The following SPTAN1 variants were observed in gnomAD, a reference collection of about 807,000 sequenced individuals.
SPTAN1 encodes the protein spectrin alpha, non-erythrocytic 1.
Under a neutral mutation model 331.3 loss-of-function variants are expected in SPTAN1, and 61 were observed. The observed-to-expected ratio is 0.18, with a 90% CI of 0.15 to 0.23. The LOEUF is 0.23. Ranked by LOEUF, SPTAN1 falls within the 10% of genes least tolerant of loss-of-function variation. SPTAN1 has a pLI of 1.00. For synonymous variants in SPTAN1, 1,153 were observed against 1,173.9 expected (o/e 0.98, Z 0.36); for missense variants, 2,043 against 3,147.9 (o/e 0.65, Z 8.40).
chr9:128,578,289 T>C, intron 9 of SPTAN1, 44 bp downstream of exon 9: 1 of 1,611,006 alleles, frequency 6.2e-7, no homozygotes, highest in African/African-American at 1.3e-5. Context: ...GATTTTAGCT[T>C]ATAATGCACC....
chr9:128,620,674 C>T (rs1260260918), intron 44 of SPTAN1, among the ~76,000 whole-genome samples: 1 of 152,126 alleles, frequency 6.6e-6, no homozygotes, highest in South Asian at 2.1e-4. Context: ...GCCAAGATCA[C>T]GCTGCTGCAC....
chr9:128,610,044 C>T (rs1371398229), intron 37 of SPTAN1, among the ~76,000 whole-genome samples: 3 of 152,100 alleles, frequency 2.0e-5, no homozygotes, highest in East Asian at 1.9e-4. Flanking sequence ...TCATGGTGTT[C>T]GGTGGCCTGG....
chr9:128,561,707 A>C (rs945549423), intron 1 of SPTAN1, among the ~76,000 whole-genome samples: 1 of 146,722 alleles, frequency 6.8e-6, no homozygotes, highest in Non-Finnish European at 1.5e-5. Flanking sequence ...CAATATGTCA[A>C]CTCTAATCAT....
intron 23 of SPTAN1, 189 bp downstream of exon 23, chr9:128,593,231 C>G (rs1308807717): frequency 4.4e-6 from 3 of 676,220 alleles, no homozygotes; most frequent in Non-Finnish European, 8.1e-6. Flanking sequence ...TCGATGACTG[C>G]TTATCTCATT....
intron 45 of SPTAN1, among the ~76,000 whole-genome samples, 170 bp from the exon 46 acceptor site, chr9:128,624,158 C>T (rs1028598215): frequency 2.6e-5 from 4 of 151,058 alleles, no homozygotes; most frequent in Admixed American, 2.0e-4. Context: ...TGTGTGAAGC[C>T]TTTGACCGCA....
At chr9:128,558,827 G>C (rs760071427) in intron 1 of SPTAN1, among the ~76,000 whole-genome samples, 20 of 152,120 alleles carry the variant, frequency 1.3e-4, no homozygotes, top group Non-Finnish European at 2.6e-4. Context: ...TGACAGTTTC[G>C]GGTGAGAGGC....
chr9:128,607,088 T>A (rs889881542), intron 31 of SPTAN1, among the ~76,000 whole-genome samples: 5 of 152,214 alleles, frequency 3.3e-5, no homozygotes, highest in Admixed American at 2.0e-4. Context: ...GCCCTTGTGG[T>A]TGTACAGCTG....
intron 3 of SPTAN1, among the ~76,000 whole-genome samples, chr9:128,570,519 G>C (rs1161089455): frequency 6.6e-6 from 1 of 150,612 alleles, no homozygotes; most frequent in Non-Finnish European, 1.5e-5. Flanking sequence ...TGTATATTTA[G>C]TAGAGATGGG....
chr9:128,617,703 G>A lies in SPTAN1; in HGVS notation c.5421G>A (p.Leu1807=), dbSNP rs1857344321. ...YGRDLTGVQN[L]RKKHKRLEAE... ...GGGACCTAACCGGCGTGCAGAACCT[G>A]AGGAAGAAGCACAAGCGGCTGGAAG... The change falls in exon 42 of 57, where the codon CTG becomes CTA. Residue 1807 remains leucine (L), a synonymous_variant. Transcript: ENST00000372739. 1 of 1,614,168 alleles carries A rather than the reference G, an allele frequency of 6.2e-7. No individual in the cohort carries two copies. The highest frequency in any genetic ancestry group is 1.3e-5 in the African/African-American group (1 of 75,046).
intron 31 of SPTAN1, among the ~76,000 whole-genome samples, chr9:128,606,970 AC>A (rs1266924725): frequency 6.6e-6 from 1 of 151,726 alleles, no homozygotes; most frequent in Non-Finnish European, 1.5e-5. Flanking sequence ...TCTCTTCCCC[AC>A]CCACTAGGAA....
rs768062334 is a variant in SPTAN1 at position 128,629,138 on chromosome 9, C to T, written c.6708-1183C>T. 2 of 398,604 alleles carry T rather than the reference C, an allele frequency of 5.0e-6. No homozygotes were observed. The highest frequency in any genetic ancestry group is 4.4e-5 in the Admixed American group (1 of 22,710). 24.7% of individuals were successfully genotyped at this position (398,604 alleles called of 1,614,324 possible). On this transcript the variant is annotated intron_variant, in intron 51 of 56. Coordinates refer to ENST00000372739, the MANE Select transcript of SPTAN1 (RefSeq NM_001130438.3). This position sits in a 1 kb window ranked among gnomAD's most constrained non-coding sequence, Gnocchi z 4.9. Reference sequence around the variant, plus strand: ...TTCTTTGAATAGCATAGCATATCGTCGGGTCATTCGTGTCTATCAGTATGA... The same window carrying T: ...TTCTTTGAATAGCATAGCATATCGTTGGGTCATTCGTGTCTATCAGTATGA...
intron 22 of SPTAN1, among the ~76,000 whole-genome samples, chr9:128,591,839 C>G (rs1348592810): frequency 6.6e-6 from 1 of 152,144 alleles, no homozygotes; most frequent in Non-Finnish European, 1.5e-5. Flanking sequence ...CACCAGTGTT[C>G]ATGAGTTTTT....
intron 21 of SPTAN1, 139 bp downstream of exon 21, chr9:128,589,082 C>G (rs527608187): frequency 2.5e-6 from 3 of 1,224,180 alleles, no homozygotes; most frequent in East Asian, 2.5e-5. Context: ...ACCAATCCCC[C>G]ACGTGACATA....
intron 10 of SPTAN1, among the ~76,000 whole-genome samples, chr9:128,580,298 A>C (rs1353441332): frequency 1.4e-4 from 21 of 151,132 alleles, no homozygotes; most frequent in Admixed American, 1.3e-3. Flanking sequence ...AAATAAATAA[A>C]TAAAAATAAA....
At chr9:128,585,620 A>C in intron 18 of SPTAN1, 128 bp from the exon 19 acceptor site, 1 of 811,864 alleles carries the variant, frequency 1.2e-6, no homozygotes, top group Non-Finnish European at 2.1e-6. Flanking sequence ...AAATGGAATT[A>C]TGAAAGGGCA....
intron 19 of SPTAN1, among the ~76,000 whole-genome samples, chr9:128,586,186 G>A (rs1852613322): frequency 1.7e-5 from 2 of 114,302 alleles, no homozygotes; most frequent in East Asian, 3.1e-4. Flanking sequence ...TGTTACAATT[G>A]TGGCTCACTG....
intron 44 of SPTAN1, 130 bp downstream of exon 44, chr9:128,619,133 T>G: frequency 7.3e-7 from 1 of 1,378,978 alleles, no homozygotes; most frequent in South Asian, 1.2e-5. Flanking sequence ...AGCCAAGGCC[T>G]CAGTAGTTGG....
chr9:128,583,382 G>A (rs1852186456), intron 15 of SPTAN1, 101 bp downstream of exon 15: 3 of 1,227,668 alleles, frequency 2.4e-6, no homozygotes, highest in East Asian at 5.0e-5. Context: ...GAAAGGTGAG[G>A]TGGATGACTT....
intron 24 of SPTAN1, among the ~76,000 whole-genome samples, chr9:128,596,958 G>A (rs1393829127): frequency 1.3e-5 from 2 of 152,118 alleles, no homozygotes; most frequent in Non-Finnish European, 2.9e-5. Flanking sequence ...TCAGGAGTTC[G>A]AGACTAGCCT....
Sources: gnomAD v4.1 joint callset for allele counts (sites outside exome capture counted in the v4.1 genomes callset) on GRCh38, gnomAD v4.1.1 for gene constraint, Gnocchi (gnomAD v3.1) non-coding constraint, MANE v1.5 for transcripts, NCBI Gene and HGNC (gene_info 2026-07-23, HGNC 2026-07-21) for gene names.